The following CYB5R3 variants were observed in gnomAD, a reference collection of about 807,000 sequenced individuals.
The protein encoded by CYB5R3 is cytochrome b5 reductase 3.
A neutral mutation model predicts 36.5 loss-of-function variants in CYB5R3; 28 were observed. The observed-to-expected ratio is 0.77, with a 90% CI of 0.57 to 1.05. CYB5R3 has a LOEUF of 1.05. Ranked by LOEUF, CYB5R3 falls within the 50% of genes least tolerant of loss-of-function variation. CYB5R3 has a pLI of 0.00. For synonymous variants in CYB5R3, 181 were observed against 159.8 expected, an observed-to-expected ratio of 1.13 and a Z score of -1.00; for missense variants, 474 against 408.9, an observed-to-expected ratio of 1.16 and a Z score of -1.37.
chr22:42,627,526 C>T (rs893388221), intron 6 of CYB5R3, 79 bp downstream of exon 6: 3 of 1,499,374 alleles, frequency 2.0e-6, no homozygotes, highest in Non-Finnish European at 2.8e-6. Flanking sequence ...CCCAGGCACT[C>T]AGAACCTGCG....
Position 42,619,481 on chromosome 22 carries a change from G to A in CYB5R3, c.*292C>T. 4.1e-6 allele frequency: 2 copies of A among 486,354 alleles called. No individual in the cohort carries two copies. Among genetic ancestry groups the A allele is most frequent in the East Asian group, 7.4e-5 (2 of 27,000 alleles). The allele number at this position is 486,354 out of a possible 1,614,324, so 30.1% of individuals were successfully genotyped here. A position where few individuals can be genotyped will look rare whatever the true frequency, so the allele number is the denominator to read the frequency against. ...CTGGCAGCCCTCAGCCTTATAGTGT[G>A]TGTGGGGGGTGGACGAGGGGTCATG... On this transcript the variant is annotated 3_prime_UTR_variant, in exon 9 of 9. Transcript: ENST00000352397.
intron 6 of CYB5R3, 53 bp downstream of exon 6, chr22:42,627,552 A>AACCCC (rs2146876008): frequency 6.4e-7 from 1 of 1,560,794 alleles, no homozygotes; most frequent in South Asian, 1.1e-5. Flanking sequence ...CCCACACCCC[A>AACCCC]ACCCCACCCT....
intron 1 of CYB5R3, 71 bp downstream of exon 1, chr22:42,649,224 G>GC: frequency 4.2e-6 from 3 of 705,970 alleles, no homozygotes; most frequent in Non-Finnish European, 5.4e-6. Flanking sequence ...CCGCAGGCCA[G>GC]CCCGCCCCCT....
intron 2 of CYB5R3, among the ~76,000 whole-genome samples, chr22:42,635,381 G>C (rs975948447): frequency 6.6e-5 from 10 of 152,080 alleles, no homozygotes; most frequent in Admixed American, 4.6e-4. Context: ...TGAGATTACA[G>C]GTGTGAGCCA....
chr22:42,649,157 C>T, intron 1 of CYB5R3, 138 bp downstream of exon 1: 10 of 238,812 alleles, frequency 4.2e-5, no homozygotes, highest in Non-Finnish European at 5.7e-5. Flanking sequence ...TGGGGCGCGG[C>T]GGGCTGGGCG....
chr22:42,635,965 A>G (rs1210584672), intron 2 of CYB5R3, among the ~76,000 whole-genome samples: 1 of 152,236 alleles, frequency 6.6e-6, no homozygotes, highest in Non-Finnish European at 1.5e-5. Flanking sequence ...CTGTAATCCC[A>G]ACACTTTGGG....
chr22:42,634,780 C>G (rs1928801420), intron 2 of CYB5R3, among the ~76,000 whole-genome samples: 1 of 112,636 alleles, frequency 8.9e-6, no homozygotes, highest in African/African-American at 3.7e-5. Context: ...CATCTGCCAC[C>G]ACGCCCGGCT....
At position 42,619,244 on chromosome 22, in the gene CYB5R3, G is replaced by C. The variant is rs3207589; in HGVS notation, c.*529C>G. On this transcript the variant is annotated 3_prime_UTR_variant, in exon 9 of 9. Coordinates refer to ENST00000352397, the MANE Select transcript of CYB5R3 (RefSeq NM_000398.7). ...CAAGCTCCCGGCTGGCCAGGGCCCT[G>C]GGGTAGGGAGCAGTGCCCCCAAGAG... 8 of 157,956 alleles carry C rather than the reference G, an allele frequency of 5.1e-5. No homozygotes were observed. The highest frequency in any genetic ancestry group is 4.8e-4 in the Admixed American group (8 of 16,716). 9.8% of individuals were successfully genotyped at this position (157,956 alleles called of 1,614,324 possible).
At chr22:42,627,282 C>A (rs187782571) in intron 7 of CYB5R3, 22 bp downstream of exon 7, 2 of 1,609,496 alleles carry the variant, frequency 1.2e-6, no homozygotes, top group South Asian at 1.1e-5. Flanking sequence ...TGAGTTTCCC[C>A]ATCATGGGGA....
Position 42,623,836 on chromosome 22 carries a change from T to C in CYB5R3, c.686A>G (p.His229Arg). 1 of 1,614,132 alleles carries C rather than the reference T, an allele frequency of 6.2e-7. No homozygotes were observed. Among genetic ancestry groups the C allele is most frequent in the Non-Finnish European group, 8.5e-7 (1 of 1,179,982 alleles). The change falls in exon 8 of 9, where the codon CAT becomes CGT. Residue 229 changes from histidine to arginine, a missense_variant. Transcript: ENST00000352397. ...GTACCAGAGCTTGAAGCGTGCAGAA[T>C]GTTTGTTCCTGAGTTCCTCCAGCTC... ...RPELEELRNK[H>R]SARFKLWYTL... is the part of the protein sequence containing the mutation.
chr22:42,647,897 C>T (rs1929603182), intron 1 of CYB5R3, among the ~76,000 whole-genome samples: 1 of 152,092 alleles, frequency 6.6e-6, no homozygotes, highest in African/African-American at 2.4e-5. Flanking sequence ...ATGTATGGAG[C>T]AGCCAGGTGC....
intron 4 of CYB5R3, among the ~76,000 whole-genome samples, chr22:42,629,792 A>G (rs1928512939): frequency 6.6e-6 from 1 of 152,066 alleles, no homozygotes; most frequent in Non-Finnish European, 1.5e-5. Flanking sequence ...TCTGTTCTGC[A>G]GGAAAGCTTG....
chr22:42,623,961 C>A (rs1419395223), intron 7 of CYB5R3, 73 bp from the exon 8 acceptor site: 14 of 1,374,668 alleles, frequency 1.0e-5, no homozygotes, highest in African/African-American at 1.4e-5. Context: ...AACAGAGACG[C>A]GCCTCGTCAT....
Position 42,628,404 on chromosome 22 carries a change from C to T in CYB5R3, c.334-123G>A, listed in dbSNP as rs137139. 845,384 of 1,262,264 alleles carry T rather than the reference C, an allele frequency of 0.67. 287,236 individuals carry two copies. The highest frequency in any genetic ancestry group is 1 in the East Asian group (41,679 of 41,810). The allele number at this position is 1,262,264 out of a possible 1,614,324, so 78.2% of individuals were successfully genotyped here. ...CTGAGGCCCACACATGGCCTTCTCC[C>T]GTGGAGCCCCATCCACCCAGCCGTC... On this transcript the variant is annotated intron_variant, in intron 4 of 8. Coordinates refer to ENST00000352397, the MANE Select transcript of CYB5R3 (RefSeq NM_000398.7).
At position 42,641,199 on chromosome 22, in the gene CYB5R3, G is replaced by C. The variant is rs150615684; in HGVS notation, c.22-4353C>G. Reference sequence around the variant, plus strand: ...ACAGTTTTCTCTAGCTTACTTTACTGTAAAAATATAGTATATAATACATAC... The same window carrying C: ...ACAGTTTTCTCTAGCTTACTTTACTCTAAAAATATAGTATATAATACATAC... On this transcript the variant is annotated intron_variant, in intron 1 of 8. Coordinates refer to ENST00000352397, the MANE Select transcript of CYB5R3 (RefSeq NM_000398.7). Among the ~76,000 whole-genome samples the C allele has an allele frequency of 2.5e-3, 386 of 152,174 alleles. 1 individual carries two copies. The highest frequency in any genetic ancestry group is 8.8e-3 in the African/African-American group (367 of 41,526).
chr22:42,649,270 GCCCCGGCGC>G lies in CYB5R3; in HGVS notation c.21+16_21+24del. 1.0e-6 allele frequency: 1 copy of G among 975,186 alleles called. No homozygotes were observed. Among genetic ancestry groups the G allele is most frequent in the Non-Finnish European group, 1.2e-6 (1 of 809,252 alleles). 60.4% of individuals were successfully genotyped at this position (975,186 alleles called of 1,614,324 possible). On this transcript the variant is annotated intron_variant, in intron 1 of 8. Transcript: ENST00000352397. ...TCCCAGTCCCTCGCGACGCCCCGCG[GCCCCGGCGC>G]CCCCTCCCCGCCTACCGTGCTGAGC...
chr22:42,627,370 C>T lies in CYB5R3; in HGVS notation c.567G>A (p.Gln189=), dbSNP rs141119643. ...GGTCCTTCATGATGGCGCGGATCAC[C>T]TGCAGCATCGGGGTGATGCCTGCAA... ...AGGTGITPML[Q]VIRAIMKDPD... The change falls in exon 7 of 9, where the codon CAG becomes CAA. Residue 189 remains glutamine, a synonymous_variant. Coordinates refer to ENST00000352397, the MANE Select transcript of CYB5R3 (RefSeq NM_000398.7). 7 of 1,613,888 alleles carry T rather than the reference C, an allele frequency of 4.3e-6. No individual in the cohort carries two copies. Among genetic ancestry groups the T allele is most frequent in the Non-Finnish European group, 5.9e-6 (7 of 1,179,978 alleles).
chr22:42,627,282 C>T (rs187782571), intron 7 of CYB5R3, 22 bp downstream of exon 7: 2 of 1,609,496 alleles, frequency 1.2e-6, no homozygotes, highest in Admixed American at 3.3e-5. Flanking sequence ...TGAGTTTCCC[C>T]ATCATGGGGA....
chr22:42,627,394 A>G lies in CYB5R3; in HGVS notation c.548-5T>C, dbSNP rs1311296046. Reference sequence around the variant, plus strand: ...CCTGCAGCATCGGGGTGATGCCTGCAAAATAGCCGGCCGGGCCTCGCACGT... The same window carrying G: ...CCTGCAGCATCGGGGTGATGCCTGCGAAATAGCCGGCCGGGCCTCGCACGT... On this transcript the variant is annotated splice_polypyrimidine_tract_variant and splice_region_variant and intron_variant, in intron 6 of 8. Coordinates refer to ENST00000352397, the MANE Select transcript of CYB5R3 (RefSeq NM_000398.7). 1 of 1,613,484 alleles carries G rather than the reference A, an allele frequency of 6.2e-7. No individual in the cohort carries two copies. The highest frequency in any genetic ancestry group is 2.2e-5 in the East Asian group (1 of 44,862).
Sources: gnomAD v4.1 joint callset for allele counts (sites outside exome capture counted in the v4.1 genomes callset) on GRCh38, gnomAD v4.1.1 for gene constraint, MANE v1.5 for transcripts, NCBI Gene and HGNC (gene_info 2026-07-23, HGNC 2026-07-21) for gene names.